PSMD14: variants seen among roughly 807,000 people sequenced by gnomAD.
PSMD14 encodes the protein ubiquitin C-terminal hydrolase PSMD14.
Under a neutral mutation model 41.2 loss-of-function variants are expected in PSMD14, and 7 were observed. The observed-to-expected ratio is 0.17, with a 90% CI of 0.10 to 0.32. The LOEUF (loss-of-function observed/expected upper bound fraction) is 0.32, where lower values mean the gene tolerates loss of function less well. PSMD14 is among the 10% of genes least tolerant of loss of function. PSMD14 has a pLI of 1.00. For missense variants in PSMD14, 139 were observed against 375.6 expected, an observed-to-expected ratio of 0.37 and a Z score of 5.21; for synonymous variants, 114 against 122.3, an observed-to-expected ratio of 0.93 and a Z score of 0.45.
At chr2:161,343,949 T>C (rs1320366578) in intron 3 of PSMD14, among the ~76,000 whole-genome samples, 1 of 152,200 alleles carries the variant, frequency 6.6e-6, no homozygotes, top group Non-Finnish European at 1.5e-5. Context: ...GTACTGAACA[T>C]GTACACTTTT....
At chr2:161,395,388 A>G (rs1683779229) in intron 10 of PSMD14, among the ~76,000 whole-genome samples, 185 bp downstream of exon 10, 1 of 152,198 alleles carries the variant, frequency 6.6e-6, no homozygotes, top group African/African-American at 2.4e-5. Flanking sequence ...AGGCAGCCAT[A>G]CACAATATGT....
chr2:161,382,231 C>T (rs546413403), intron 7 of PSMD14: 25 of 151,888 alleles, frequency 1.6e-4, no homozygotes, highest in African/African-American at 5.5e-4. Flanking sequence ...AAGCTACTAA[C>T]AAGAAGACAG....
At chr2:161,403,167 TAAAC>T (rs1237734564) in intron 10 of PSMD14, among the ~76,000 whole-genome samples, 1 of 152,176 alleles carries the variant, frequency 6.6e-6, no homozygotes, top group Non-Finnish European at 1.5e-5. Flanking sequence ...GATGAGTGGA[TAAAC>T]AAATTGAGGT....
At chr2:161,379,838 C>T (rs1043381996) in intron 7 of PSMD14, among the ~76,000 whole-genome samples, 1 of 152,012 alleles carries the variant, frequency 6.6e-6, no homozygotes, top group South Asian at 2.1e-4. Flanking sequence ...GCTGGGGAGT[C>T]CTTGAGCCAA....
intron 2 of PSMD14, among the ~76,000 whole-genome samples, chr2:161,317,901 C>T (rs1252520613): frequency 6.6e-6 from 1 of 152,030 alleles, no homozygotes; most frequent in Non-Finnish European, 1.5e-5. Flanking sequence ...GAAAAAATTG[C>T]TTTGTTGTCA....
rs974770333 is a variant in PSMD14 at position 161,359,033 on chromosome 2, A to G, written c.49-8445A>G. 7.9e-5 allele frequency among the ~76,000 whole-genome samples: 12 copies of G among 152,308 alleles called. No individual in the cohort carries two copies. The South Asian group carries it at 1.4e-3, about 18-fold the overall frequency. On this transcript the variant is annotated intron_variant, in intron 3 of 11. Coordinates refer to ENST00000409682, the MANE Select transcript of PSMD14 (RefSeq NM_005805.6). ...CCAGGCTGGAATGTGCAGTGACACA[A>G]TCACAGCTCACTACAGCCCCAGCCT...
At chr2:161,400,598 G>A (rs548315926) in intron 10 of PSMD14, among the ~76,000 whole-genome samples, 1 of 152,206 alleles carries the variant, frequency 6.6e-6, no homozygotes, top group South Asian at 2.1e-4. Flanking sequence ...GTGTCACTCA[G>A]TCTGGAGTAC....
At chr2:161,317,377 G>A (rs944618084) in intron 2 of PSMD14, among the ~76,000 whole-genome samples, 4 of 152,120 alleles carry the variant, frequency 2.6e-5, no homozygotes, top group South Asian at 2.1e-4. Context: ...AGCCAGATAC[G>A]AAAAATATAT....
chr2:161,366,262 A>G (rs1683356537), intron 3 of PSMD14, among the ~76,000 whole-genome samples: 3 of 152,166 alleles, frequency 2.0e-5, no homozygotes. Context: ...TTTTCCCACC[A>G]CTTTGAACAA....
At position 161,353,391 on chromosome 2, in the gene PSMD14, A is replaced by G. The variant is rs530067138; in HGVS notation, c.49-14087A>G. On this transcript the variant is annotated intron_variant, in intron 3 of 11. Transcript: ENST00000409682. ...TGCTTATTTGAAAAGTCACATCCTC[A>G]GAAAAACAACCATTGAAATTTAAAC... Among the ~76,000 whole-genome samples, 10 of 152,340 alleles carry G rather than the reference A, an allele frequency of 6.6e-5. No homozygotes were observed. In the East Asian group the frequency reaches 1.9e-3, roughly 29 times the overall value.
intron 9 of PSMD14, among the ~76,000 whole-genome samples, chr2:161,394,679 C>G (rs1304943554): frequency 1.3e-5 from 2 of 152,086 alleles, no homozygotes; most frequent in African/African-American, 4.8e-5. Context: ...ATGCAGTAAA[C>G]AAGTAAACAA....
chr2:161,332,593 T>C (rs1318662812), intron 3 of PSMD14, among the ~76,000 whole-genome samples: 5 of 152,242 alleles, frequency 3.3e-5, no homozygotes, highest in Non-Finnish European at 7.3e-5. Flanking sequence ...GACTAGGGCA[T>C]CATAAATGGC....
In PSMD14 at chr2:161,408,864, C is replaced by T. The variant is rs1415975627; in HGVS notation, c.799C>T (p.Pro267Ser). 6.2e-7 allele frequency: 1 copy of T among 1,607,346 alleles called. No individual in the cohort carries two copies. Among genetic ancestry groups the T allele is most frequent in the Non-Finnish European group, 8.5e-7 (1 of 1,175,200 alleles). Residue 267 changes from proline to serine, a missense_variant, in exon 11 of 12, where the codon CCT becomes TCT. Coordinates refer to ENST00000409682, the MANE Select transcript of PSMD14 (RefSeq NM_005805.6). Reference sequence around the variant, plus strand: ...TGTAGAAGAAGAAGATAAGATGACACCTGAACAGCTGGCAATAAAGAATGT... The same window carrying T: ...TGTAGAAGAAGAAGATAAGATGACATCTGAACAGCTGGCAATAAAGAATGT... The part of the protein sequence containing the change: ...KAVEEEDKMT[P>S]EQLAIKNVGK...
chr2:161,406,736 C>T (rs1376469394), intron 10 of PSMD14, among the ~76,000 whole-genome samples: 1 of 152,118 alleles, frequency 6.6e-6, no homozygotes, highest in Non-Finnish European at 1.5e-5. Flanking sequence ...TCCCAGATGG[C>T]ATCTATGGCT....
intron 10 of PSMD14, chr2:161,408,634 C>T (rs1683985751): frequency 2.0e-6 from 1 of 490,400 alleles, no homozygotes; most frequent in South Asian, 2.2e-5. Context: ...TATTTCTTGT[C>T]TGTTTTCAAA....
At chr2:161,355,759 A>G (rs2105249651) in intron 3 of PSMD14, among the ~76,000 whole-genome samples, 1 of 152,352 alleles carries the variant, frequency 6.6e-6, no homozygotes, top group South Asian at 2.1e-4. Context: ...TCTTGTATAG[A>G]CATTATGGGA....
chr2:161,404,576 C>A (rs1683924921), intron 10 of PSMD14, among the ~76,000 whole-genome samples: 1 of 152,058 alleles, frequency 6.6e-6, no homozygotes, highest in Non-Finnish European at 1.5e-5. Context: ...CGTCATTGAT[C>A]ATTTCCTTCC....
chr2:161,406,945 A>G (rs148925624), intron 10 of PSMD14, among the ~76,000 whole-genome samples: 3 of 152,226 alleles, frequency 2.0e-5, no homozygotes, highest in South Asian at 2.1e-4. Context: ...TTCATTGTCT[A>G]TCTACCATCT....
chr2:161,340,347 C>G (rs1418675160), intron 3 of PSMD14, among the ~76,000 whole-genome samples: 1 of 152,174 alleles, frequency 6.6e-6, no homozygotes, highest in Non-Finnish European at 1.5e-5. Flanking sequence ...CCTGACGGAG[C>G]TGGTGAGCAC....
Sources: allele counts gnomAD v4.1 joint callset (sites outside exome capture counted in the v4.1 genomes callset), GRCh38; gene constraint gnomAD v4.1.1; transcripts MANE v1.5; gene names NCBI Gene and HGNC (gene_info 2026-07-23, HGNC 2026-07-21).